SECISBP2L: variants seen among roughly 807,000 people sequenced by gnomAD.
SECISBP2L encodes SECIS binding protein 2 like, also known as selenocysteine insertion sequence-binding protein 2-like.
SECISBP2L carries 43 observed loss-of-function variants against 114.7 expected under a neutral mutation model. The observed-to-expected ratio is 0.38, with a 90% CI of 0.29 to 0.48. The LOEUF (loss-of-function observed/expected upper bound fraction) is 0.48, where lower values mean the gene tolerates loss of function less well. Ranked by LOEUF, SECISBP2L falls within the 20% of genes least tolerant of loss-of-function variation. SECISBP2L has a pLI of 0.98. For missense variants in SECISBP2L, 1,136 were observed against 1,301.1 expected, an observed-to-expected ratio of 0.87 and a Z score of 1.95; for synonymous variants, 451 against 439.7, an observed-to-expected ratio of 1.03 and a Z score of -0.32.
At chr15:49,046,250 G>C (rs770346024) in intron 1 of SECISBP2L, 26 bp downstream of exon 1, 1 of 1,565,852 alleles carries the variant, frequency 6.4e-7, no homozygotes. Context: ...CCCCCGGCTC[G>C]GCGGGCCCAG....
chr15:49,044,744 T>C (rs998037292), intron 1 of SECISBP2L, among the ~76,000 whole-genome samples: 1 of 152,164 alleles, frequency 6.6e-6, no homozygotes, highest in Non-Finnish European at 1.5e-5. Context: ...TTTAAATAAT[T>C]TGCTCACAGC....
chr15:49,026,797 A>G (rs1044911344), intron 7 of SECISBP2L, among the ~76,000 whole-genome samples: 1 of 152,248 alleles, frequency 6.6e-6, no homozygotes, highest in Non-Finnish European at 1.5e-5. Flanking sequence ...AATGACCATT[A>G]AACAACTCCC....
At chr15:49,005,648 T>C (rs538811673) in intron 14 of SECISBP2L, among the ~76,000 whole-genome samples, 9 of 151,038 alleles carry the variant, frequency 6.0e-5, no homozygotes, top group African/African-American at 9.8e-5. Context: ...ATGTGTGTCT[T>C]TGCACGTGAG....
chr15:48,997,571 T>C (rs1027970782), intron 16 of SECISBP2L, among the ~76,000 whole-genome samples: 1 of 152,196 alleles, frequency 6.6e-6, no homozygotes, highest in Non-Finnish European at 1.5e-5. Flanking sequence ...CTGAGCATAT[T>C]CACATCTAAT....
At chr15:49,008,674 C>T (rs539018919) in intron 14 of SECISBP2L, among the ~76,000 whole-genome samples, 6 of 152,330 alleles carry the variant, frequency 3.9e-5, no homozygotes, top group Non-Finnish European at 7.4e-5. Flanking sequence ...AATTCATCAA[C>T]ATAAATGTTA....
chr15:49,014,606 T>C (rs1173942980), intron 11 of SECISBP2L, among the ~76,000 whole-genome samples: 1 of 152,106 alleles, frequency 6.6e-6, no homozygotes, highest in African/African-American at 2.4e-5. Context: ...CAAGACAGAA[T>C]CTGGAGTCAT....
rs71120653 is a variant in SECISBP2L at position 48,993,100 on chromosome 15, A to AGTGT, written c.2624-178_2624-175dup. On this transcript the variant is annotated intron_variant, in intron 17 of 17. Transcript: ENST00000559471. The stretch of plus-strand genomic sequence containing the variant: ...TAGTACTAGTTTGAGACAGAGAGAG[A>AGTGT]GTGTGTGTGTGTGTGTGTGTGTGTG... 6.5e-3 allele frequency among the ~76,000 whole-genome samples: 911 copies of AGTGT among 139,190 alleles called. 4 individuals are homozygous for AGTGT. The highest frequency in any genetic ancestry group is 0.018 in the African/African-American group (642 of 35,402). 91.3% of individuals were successfully genotyped at this position (139,190 alleles called of 152,430 possible).
chr15:48,999,846 T>C lies in SECISBP2L; in HGVS notation c.2390A>G (p.Tyr797Cys), dbSNP rs577214118. The C allele has an allele frequency of 1.2e-6, 2 of 1,613,792 alleles. No individual in the cohort carries two copies. The highest frequency in any genetic ancestry group is 1.3e-5 in the African/African-American group (1 of 75,028). The stretch of plus-strand genomic sequence containing the variant: ...CTAAATTCTTACCTCAGCACCAAAG[T>C]AGTTGAAGATTCCCACTACGCTAAC... ...VPVSVVGIFNYFGAESLFNKL... is the reference protein window; with the variant it reads ...VPVSVVGIFNCFGAESLFNKL... The change falls in exon 16 of 18, where the codon TAC (tyrosine) becomes TGC (cysteine). Residue 797 changes from tyrosine (Y) to cysteine (C), a missense_variant. By Grantham distance (194) the Tyr-to-Cys change is radical (BLOSUM62 -2). Coordinates refer to ENST00000559471, the MANE Select transcript of SECISBP2L (RefSeq NM_001193489.2).
At chr15:48,993,100 A>AGAGAGAGAGTGTGT (rs772299775) in intron 17 of SECISBP2L, among the ~76,000 whole-genome samples, 174 bp from the exon 18 acceptor site, 26 of 139,222 alleles carry the variant, frequency 1.9e-4, no homozygotes, top group African/African-American at 7.1e-4. Flanking sequence ...ACAGAGAGAG[A>AGAGAGAGAGTGTGT]GTGTGTGTGT....
At chr15:49,028,042 T>G in intron 6 of SECISBP2L, 102 bp downstream of exon 6, 2 of 1,059,042 alleles carry the variant, frequency 1.9e-6, no homozygotes, top group Non-Finnish European at 2.8e-6. Context: ...GGAAGACTTC[T>G]AAGTTTTTTT....
intron 13 of SECISBP2L, 23 bp from the exon 14 acceptor site, chr15:49,009,401 G>C (rs1277690785): frequency 1.9e-6 from 3 of 1,591,302 alleles, no homozygotes; most frequent in Non-Finnish European, 2.6e-6. Context: ...GGAGTGAAGG[G>C]AAAAAATTTA....
chr15:49,020,768 A>G (rs1382838237), intron 7 of SECISBP2L, among the ~76,000 whole-genome samples: 2 of 152,122 alleles, frequency 1.3e-5, no homozygotes, highest in East Asian at 3.9e-4. Context: ...CTCGCCTCCC[A>G]AAGTGCTGGG....
At chr15:49,045,334 C>T (rs1012753921) in intron 1 of SECISBP2L, among the ~76,000 whole-genome samples, 1 of 152,188 alleles carries the variant, frequency 6.6e-6, no homozygotes, top group East Asian at 1.9e-4. Flanking sequence ...AATTCAGGTG[C>T]TAATTATCCA....
intron 3 of SECISBP2L, among the ~76,000 whole-genome samples, chr15:49,034,255 C>T (rs1203371222): frequency 6.6e-6 from 1 of 152,142 alleles, no homozygotes; most frequent in Non-Finnish European, 1.5e-5. Context: ...TAAGATATGT[C>T]TAAGATGTCC....
Position 48,989,067 on chromosome 15 carries a change from T to A in SECISBP2L, c.*3177A>T, listed in dbSNP as rs968953388. 1 of 152,758 alleles carries A rather than the reference T, an allele frequency of 6.5e-6. No individual in the cohort carries two copies. Among genetic ancestry groups the A allele is most frequent in the East Asian group, 1.9e-4 (1 of 5,186 alleles). The allele number at this position is 152,758 out of a possible 1,614,324, so 9.5% of individuals were successfully genotyped here. On this transcript the variant is annotated 3_prime_UTR_variant, in exon 18 of 18. Coordinates refer to ENST00000559471, the MANE Select transcript of SECISBP2L (RefSeq NM_001193489.2). ...TTTTTAAATCAAAAAAAGATAAAAA[T>A]TTTTAAATGAGTTGATGTTCTAACC...
At chr15:49,036,438 T>C (rs1903009231) in intron 2 of SECISBP2L, among the ~76,000 whole-genome samples, 1 of 152,254 alleles carries the variant, frequency 6.6e-6, no homozygotes. Flanking sequence ...ACGGCCATAT[T>C]CTTAAAAATA....
chr15:49,008,283 A>G (rs979991987), intron 14 of SECISBP2L, among the ~76,000 whole-genome samples: 1 of 152,230 alleles, frequency 6.6e-6, no homozygotes, highest in Non-Finnish European at 1.5e-5. Context: ...AAATAGTTAA[A>G]TAAGTACAAG....
At chr15:48,998,263 G>T (rs1902135595) in intron 16 of SECISBP2L, among the ~76,000 whole-genome samples, 1 of 152,166 alleles carries the variant, frequency 6.6e-6, no homozygotes. Context: ...ATTTTAAATT[G>T]TTTAAAATAG....
intron 1 of SECISBP2L, among the ~76,000 whole-genome samples, chr15:49,042,828 G>A (rs374507453): frequency 6.6e-6 from 1 of 152,096 alleles, no homozygotes; most frequent in Non-Finnish European, 1.5e-5. Flanking sequence ...TCAGAAGTTC[G>A]AGACCAGCCT....
Sources: gnomAD v4.1 joint callset for allele counts (sites outside exome capture counted in the v4.1 genomes callset) on GRCh38, gnomAD v4.1.1 for gene constraint, MANE v1.5 for transcripts, NCBI Gene and HGNC (gene_info 2026-07-23, HGNC 2026-07-21) for gene names.